The following LRRTM4 variants were observed in gnomAD, a reference collection of about 807,000 sequenced individuals.
The protein encoded by LRRTM4 is leucine-rich repeat transmembrane neuronal protein 4.
In LRRTM4, 25 loss-of-function variants were observed where a neutral mutation model predicts 47.6. That is an observed-to-expected ratio of 0.53 (90% confidence interval 0.38 to 0.73). The LOEUF is 0.73. Among genes scored for constraint, LRRTM4 ranks in the 30% least tolerant of loss-of-function variants. The pLI is 0.00. For missense variants in LRRTM4, 638 were observed against 713.4 expected (o/e 0.89, Z 1.20); for synonymous variants, 311 against 269.5 (o/e 1.15, Z -1.51).
intron 3 of LRRTM4, among the ~76,000 whole-genome samples, chr2:76,822,449 A>C (rs1304455602): frequency 1.3e-5 from 2 of 151,374 alleles, no homozygotes; most frequent in Admixed American, 6.6e-5. Context: ...TTTCCTAAAG[A>C]AAAAACTAGT....
intron 3 of LRRTM4, among the ~76,000 whole-genome samples, chr2:77,417,687 C>A (rs897722896): frequency 2.0e-5 from 3 of 151,508 alleles, no homozygotes; most frequent in Non-Finnish European, 4.4e-5. Flanking sequence ...ACCGCATATT[C>A]CCACTCATAG....
intron 3 of LRRTM4, among the ~76,000 whole-genome samples, chr2:76,802,967 C>G (rs995743919): frequency 6.6e-6 from 1 of 152,018 alleles, no homozygotes; most frequent in Non-Finnish European, 1.5e-5. Context: ...TGATTGAAAA[C>G]TTAAATGTAG....
rs568331771 is a variant in LRRTM4 at position 76,966,328 on chromosome 2, G to A, written c.1552-217412C>T. Among the ~76,000 whole-genome samples the A allele has an allele frequency of 2.6e-5, 4 of 151,392 alleles. No individual in the cohort carries two copies. The East Asian group carries it at 5.9e-4, about 22-fold the overall frequency. Reference sequence around the variant, plus strand: ...AAAAGGAGGAGCAGGGAGCAAAGGAGGAAGTGGGAGAGAAAGAAAAGAGAG... The same window carrying A: ...AAAAGGAGGAGCAGGGAGCAAAGGAAGAAGTGGGAGAGAAAGAAAAGAGAG... On this transcript the variant is annotated intron_variant, in intron 3 of 3. Coordinates refer to ENST00000409884, the MANE Select transcript of LRRTM4 (RefSeq NM_001134745.3).
intron 3 of LRRTM4, among the ~76,000 whole-genome samples, chr2:76,868,524 T>C (rs1281692666): frequency 6.6e-6 from 1 of 152,176 alleles, no homozygotes; most frequent in Non-Finnish European, 1.5e-5. Flanking sequence ...CACGGATCTA[T>C]CAGCAATTTA....
chr2:77,459,153 A>G (rs1676678982), intron 3 of LRRTM4, among the ~76,000 whole-genome samples: 1 of 152,188 alleles, frequency 6.6e-6, no homozygotes, highest in Non-Finnish European at 1.5e-5. Flanking sequence ...GCTCCACTCT[A>G]TAAAATGCCT....
intron 3 of LRRTM4, among the ~76,000 whole-genome samples, chr2:77,303,607 T>C (rs1332752803): frequency 6.6e-6 from 1 of 152,210 alleles, no homozygotes; most frequent in East Asian, 1.9e-4. Flanking sequence ...TCACATGGTA[T>C]ACATTTAATA....
chr2:77,434,281 ATGGCTCTTACT>A (rs1444832569), intron 3 of LRRTM4, among the ~76,000 whole-genome samples: 13 of 152,186 alleles, frequency 8.5e-5, no homozygotes. Flanking sequence ...TCAGAGCAGA[ATGGCTCTTACT>A]GAATAGGAAC....
At chr2:76,919,189 T>G (rs1474643536) in intron 3 of LRRTM4, among the ~76,000 whole-genome samples, 1 of 151,694 alleles carries the variant, frequency 6.6e-6, no homozygotes, top group Non-Finnish European at 1.5e-5. Flanking sequence ...TGGGGGGAGG[T>G]TGGCAGTGGG....
At chr2:77,381,629 T>C (rs1039482411) in intron 3 of LRRTM4, among the ~76,000 whole-genome samples, 1 of 152,062 alleles carries the variant, frequency 6.6e-6, no homozygotes, top group Admixed American at 6.6e-5. Context: ...TAAAAAGTAT[T>C]AATACCTACT....
At chr2:77,172,011 C>T (rs556455589) in intron 3 of LRRTM4, among the ~76,000 whole-genome samples, 27 of 152,262 alleles carry the variant, frequency 1.8e-4, no homozygotes, top group African/African-American at 5.3e-4. Flanking sequence ...CACATAGTGT[C>T]GCTGCGATCA....
intron 3 of LRRTM4, among the ~76,000 whole-genome samples, chr2:77,044,002 G>A (rs780510986): frequency 6.6e-6 from 1 of 151,330 alleles, no homozygotes; most frequent in Non-Finnish European, 1.5e-5. Context: ...GCTCCCATAT[G>A]GAGGATTTCC....
intron 3 of LRRTM4, among the ~76,000 whole-genome samples, chr2:77,302,967 G>A (rs290045): frequency 1 from 151,920 of 152,266 alleles, 75,790 homozygotes; most frequent in East Asian, 1. Context: ...GGAAGCTCCT[G>A]GAAACAGAAA....
chr2:77,097,006 AGT>A (rs1670830183), intron 3 of LRRTM4, among the ~76,000 whole-genome samples: 3 of 151,886 alleles, frequency 2.0e-5, no homozygotes, highest in South Asian at 4.1e-4. Flanking sequence ...ACACAACAAA[AGT>A]GTAAGGTTAT....
In LRRTM4 at chr2:77,506,424, T is replaced by C. The variant is rs1354251575; in HGVS notation, c.1551+11894A>G. On this transcript the variant is annotated intron_variant, in intron 3 of 3. Coordinates refer to ENST00000409884, the MANE Select transcript of LRRTM4 (RefSeq NM_001134745.3). ...GAAAACATAATGAATAATGTTATTA[T>C]TGTTGACTTCAAAGACTGTTTAGAT... Among the ~76,000 whole-genome samples the C allele has an allele frequency of 5.3e-5, 8 of 151,754 alleles. No individual in the cohort carries two copies. In the East Asian group the frequency reaches 1.5e-3, roughly 29 times the overall value.
intron 3 of LRRTM4, among the ~76,000 whole-genome samples, chr2:76,766,161 C>G (rs1362663728): frequency 3.3e-5 from 5 of 152,158 alleles, no homozygotes; most frequent in Non-Finnish European, 7.3e-5. Context: ...TGAACATCTT[C>G]CTTCTTTCTC....
intron 3 of LRRTM4, among the ~76,000 whole-genome samples, chr2:76,897,598 T>C (rs1490776977): frequency 6.6e-6 from 1 of 152,110 alleles, no homozygotes; most frequent in African/African-American, 2.4e-5. Context: ...CCTTAGGCCT[T>C]TGTTAAAGGT....
At chr2:77,203,983 CA>C (rs1674052053) in intron 3 of LRRTM4, among the ~76,000 whole-genome samples, 1 of 152,132 alleles carries the variant, frequency 6.6e-6, no homozygotes, top group African/African-American at 2.4e-5. Context: ...AACGATGTTG[CA>C]TTGTTTAGTG....
chr2:77,162,165 G>A (rs1308487530), intron 3 of LRRTM4, among the ~76,000 whole-genome samples: 1 of 152,200 alleles, frequency 6.6e-6, no homozygotes, highest in Non-Finnish European at 1.5e-5. Flanking sequence ...GGCACCCCAG[G>A]AGATTATATC....
intron 3 of LRRTM4, among the ~76,000 whole-genome samples, chr2:77,252,887 C>T (rs1675660093): frequency 6.6e-6 from 1 of 152,098 alleles, no homozygotes; most frequent in Non-Finnish European, 1.5e-5. Context: ...TCTTCTCATG[C>T]CTCTCACCTA....
Sources: gnomAD v4.1 joint callset for allele counts (sites outside exome capture counted in the v4.1 genomes callset) on GRCh38, gnomAD v4.1.1 for gene constraint, MANE v1.5 for transcripts, NCBI Gene and HGNC (gene_info 2026-07-23, HGNC 2026-07-21) for gene names.